ATP6V1H: variants seen among roughly 807,000 people sequenced by gnomAD.
ATP6V1H encodes the protein ATPase H+ transporting V1 subunit H.
A neutral mutation model predicts 71.7 loss-of-function variants in ATP6V1H; 39 were observed. The ratio of observed to expected loss-of-function variants is 0.54; its 90% CI spans 0.42 to 0.71. The LOEUF (loss-of-function observed/expected upper bound fraction) is 0.71. Among genes scored for constraint, ATP6V1H ranks in the 30% least tolerant of loss-of-function variants. The pLI, the probability that ATP6V1H is intolerant of heterozygous loss-of-function variation, is 0.00. For synonymous variants in ATP6V1H, 192 were observed against 199.3 expected, an observed-to-expected ratio of 0.96 and a Z score of 0.31; for missense variants, 509 against 594.9, an observed-to-expected ratio of 0.86 and a Z score of 1.50.
At chr8:53,817,946 T>C (rs1191783842) in intron 4 of ATP6V1H, among the ~76,000 whole-genome samples, 1 of 151,982 alleles carries the variant, frequency 6.6e-6, no homozygotes, top group African/African-American at 2.4e-5. Context: ...TACTAACAAA[T>C]AGGCAAGGGA....
At chr8:53,836,408 C>T (rs1313416923) in intron 2 of ATP6V1H, among the ~76,000 whole-genome samples, 4 of 152,206 alleles carry the variant, frequency 2.6e-5, no homozygotes, top group African/African-American at 7.2e-5. Flanking sequence ...CACTCCCTAA[C>T]CTTTTTCTTT....
intron 9 of ATP6V1H, among the ~76,000 whole-genome samples, chr8:53,785,871 A>G (rs1029487626): frequency 6.6e-6 from 1 of 152,194 alleles, no homozygotes; most frequent in African/African-American, 2.4e-5. Context: ...TGAACCACAA[A>G]TGCTGCTGCT....
rs140973376 is a variant in ATP6V1H at position 53,786,799 on chromosome 8, T to C, written c.870+8848A>G. 2.2e-3 allele frequency among the ~76,000 whole-genome samples: 338 copies of C among 152,342 alleles called. 2 individuals carry two copies. Among genetic ancestry groups the C allele is most frequent in the African/African-American group, 7.9e-3 (327 of 41,580 alleles). ...TAATGGTGCAGAGGGATGTTGACAT[T>C]TCTAAGAACAAGGTGGAATCAGGTG... On this transcript the variant is annotated intron_variant, in intron 9 of 13. Transcript: ENST00000359530.
intron 12 of ATP6V1H, 60 bp from the exon 13 acceptor site, chr8:53,743,750 A>AATT: frequency 5.8e-6 from 7 of 1,216,096 alleles, no homozygotes; most frequent in Non-Finnish European, 8.3e-6. Context: ...ACAGTTTGTA[A>AATT]GCAGGCAGCT....
At chr8:53,819,896 T>C (rs1810593528) in intron 4 of ATP6V1H, among the ~76,000 whole-genome samples, 1 of 150,666 alleles carries the variant, frequency 6.6e-6, no homozygotes, top group Non-Finnish European at 1.5e-5. Flanking sequence ...GCTACCTAAA[T>C]CTGAATCTCT....
At chr8:53,798,043 T>C (rs1465925183) in intron 8 of ATP6V1H, among the ~76,000 whole-genome samples, 4 of 152,176 alleles carry the variant, frequency 2.6e-5, no homozygotes, top group African/African-American at 9.7e-5. Context: ...CTCCAATATT[T>C]AGGAAGTTAA....
At position 53,829,536 on chromosome 8, in the gene ATP6V1H, A is replaced by T. The variant is rs764089044; in HGVS notation, c.217-3T>A. On this transcript the variant is annotated splice_polypyrimidine_tract_variant and splice_region_variant and intron_variant, in intron 3 of 13. Coordinates refer to ENST00000359530, the MANE Select transcript of ATP6V1H (RefSeq NM_015941.4). ...AGATTTATAAATGTTTTAGCACACT[A>T]AAAAAAAAAATGAAATTAAAGTTAT... 1.3e-6 allele frequency: 1 copy of T among 789,270 alleles called. No homozygotes were observed. The highest frequency in any genetic ancestry group is 2.8e-5 in the South Asian group (1 of 36,362). 48.9% of individuals were successfully genotyped at this position (789,270 alleles called of 1,614,324 possible). A position where few individuals can be genotyped will look rare whatever the true frequency, so the allele number is the denominator to read the frequency against.
intron 9 of ATP6V1H, among the ~76,000 whole-genome samples, chr8:53,777,521 C>T (rs911949949): frequency 1.3e-5 from 2 of 151,952 alleles, no homozygotes; most frequent in Admixed American, 1.3e-4. Context: ...CAAAAATATC[C>T]TTCCAGAATA....
chr8:53,744,399 A>G (rs547565053), intron 12 of ATP6V1H, among the ~76,000 whole-genome samples: 4 of 152,274 alleles, frequency 2.6e-5, no homozygotes, highest in Middle Eastern at 3.4e-3. Flanking sequence ...TCATGCATAG[A>G]AATTGGTCCT....
At chr8:53,822,209 T>C (rs1234992394) in intron 4 of ATP6V1H, among the ~76,000 whole-genome samples, 1 of 152,114 alleles carries the variant, frequency 6.6e-6, no homozygotes, top group Non-Finnish European at 1.5e-5. Flanking sequence ...ACTGTACACA[T>C]AAGACATTCC....
intron 9 of ATP6V1H, among the ~76,000 whole-genome samples, chr8:53,785,261 T>C (rs1305998468): frequency 6.6e-6 from 1 of 152,224 alleles, no homozygotes; most frequent in Non-Finnish European, 1.5e-5. Flanking sequence ...TTCTCTAAAC[T>C]TCTCTTATCA....
intron 13 of ATP6V1H, among the ~76,000 whole-genome samples, chr8:53,737,128 G>GT (rs1441063306): frequency 6.6e-6 from 1 of 152,212 alleles, no homozygotes; most frequent in Non-Finnish European, 1.5e-5. Flanking sequence ...AGGGAGCTTG[G>GT]TTTTCGGGAC....
intron 13 of ATP6V1H, among the ~76,000 whole-genome samples, chr8:53,727,872 C>T (rs1188326417): frequency 6.6e-6 from 1 of 152,222 alleles, no homozygotes; most frequent in African/African-American, 2.4e-5. Flanking sequence ...GGAACACATC[C>T]AGCTGCAGTT....
At chr8:53,765,921 G>A (rs1016443304) in intron 11 of ATP6V1H, among the ~76,000 whole-genome samples, 5 of 152,206 alleles carry the variant, frequency 3.3e-5, no homozygotes, top group African/African-American at 7.2e-5. Context: ...AAAGAATGTG[G>A]TATTGGTAAA....
intron 9 of ATP6V1H, among the ~76,000 whole-genome samples, chr8:53,788,597 A>T (rs529884463): frequency 6.6e-6 from 1 of 152,332 alleles, no homozygotes; most frequent in East Asian, 1.9e-4. Context: ...TTTAACTGTT[A>T]TTTCATGGAT....
intron 8 of ATP6V1H, among the ~76,000 whole-genome samples, chr8:53,799,575 T>C: frequency 6.6e-6 from 1 of 152,104 alleles, no homozygotes; most frequent in East Asian, 1.9e-4. Context: ...GCTGGTAAAG[T>C]TTCCTAAATT....
intron 12 of ATP6V1H, among the ~76,000 whole-genome samples, chr8:53,752,840 G>C (rs980834391): frequency 6.6e-6 from 1 of 152,110 alleles, no homozygotes; most frequent in African/African-American, 2.4e-5. Flanking sequence ...GTGAGCTACC[G>C]CACCCAGCGA....
chr8:53,733,019 C>T (rs1220721715), intron 13 of ATP6V1H, among the ~76,000 whole-genome samples: 3 of 152,200 alleles, frequency 2.0e-5, no homozygotes, highest in Non-Finnish European at 4.4e-5. Flanking sequence ...CAAGGACGGG[C>T]ATATGGTAGA....
chr8:53,798,610 A>AAC (rs59831761), intron 8 of ATP6V1H, among the ~76,000 whole-genome samples: 65,487 of 148,376 alleles, frequency 0.44, 14,794 homozygotes, highest in Middle Eastern at 0.57. Context: ...CAATGTGAGA[A>AAC]ACACACACAC....
Sources: allele counts gnomAD v4.1 joint callset (sites outside exome capture counted in the v4.1 genomes callset), GRCh38; gene constraint gnomAD v4.1.1; transcripts MANE v1.5; gene names NCBI Gene and HGNC (gene_info 2026-07-23, HGNC 2026-07-21).